BEST3: variants seen among roughly 807,000 people sequenced by gnomAD.
BEST3 encodes the protein bestrophin-3.
BEST3 carries 50 observed loss-of-function variants against 47.1 expected under a neutral mutation model. The observed-to-expected ratio is 1.06, with a 90% confidence interval of 0.85 to 1.34. The LOEUF is 1.34. Ranked by LOEUF, BEST3 falls within the 40% of genes most tolerant of loss-of-function variation. The probability of loss-of-function intolerance (pLI) is 0.00; values close to 1 mark genes in which losing one functional copy is unlikely to be tolerated. For synonymous variants in BEST3, 282 were observed against 298.8 expected (o/e 0.94, Z 0.58); for missense variants, 765 against 817.0 (o/e 0.94, Z 0.78).
At chr12:69,650,895 C>G (rs1259365632), downstream of BEST3, among the ~76,000 whole-genome samples, 1 of 151,992 alleles carries the variant, frequency 6.6e-6, no homozygotes, top group Non-Finnish European at 1.5e-5. Context: ...AAAAAAAAAC[C>G]AAGAGAGAAA....
Position 69,654,098 on chromosome 12 carries a change from C to A in BEST3, c.*809G>T. On this transcript the variant is annotated 3_prime_UTR_variant, in exon 10 of 10. Transcript: ENST00000330891. The stretch of plus-strand genomic sequence containing the variant: ...GAAGTGAGACTGGAAGGGTATCAGG[C>A]TGGATTTGTTGACACCTTTGATGAT... 5 of 985,400 alleles carry A rather than the reference C, an allele frequency of 5.1e-6. No homozygotes were observed. The highest frequency in any genetic ancestry group is 6.0e-6 in the Non-Finnish European group (5 of 829,934). 61.0% of individuals were successfully genotyped at this position (985,400 alleles called of 1,614,324 possible).
At chr12:69,699,001 A>G (rs1886228418) in intron 1 of BEST3, among the ~76,000 whole-genome samples, 1 of 152,212 alleles carries the variant, frequency 6.6e-6, no homozygotes. Flanking sequence ...AATACAGCCA[A>G]AATTGGGAGA....
downstream of BEST3, among the ~76,000 whole-genome samples, chr12:69,650,405 AG>A (rs1883172281): frequency 6.6e-6 from 1 of 152,250 alleles, no homozygotes; most frequent in African/African-American, 2.4e-5. Context: ...AGCATGCAAA[AG>A]TATTGAGGAC....
At position 69,655,788 on chromosome 12, in the gene BEST3, C is replaced by T. The variant is rs1250328395; in HGVS notation, c.1126G>A (p.Glu376Lys). ...MGLSGSDFPD[E>K]EWLWDYEKHG... Reference sequence around the variant, plus strand: ...TTCTCATAATCCCACAGCCACTCCTCGTCAGGAAAGTCGGACCCAGACAGC... The same window carrying T: ...TTCTCATAATCCCACAGCCACTCCTTGTCAGGAAAGTCGGACCCAGACAGC... Residue 376 changes from glutamate (E) to lysine (K), a missense_variant, in exon 10 of 10, where the codon GAG (glutamate) becomes AAG (lysine). Transcript: ENST00000330891. 6 of 1,610,048 alleles carry T rather than the reference C, an allele frequency of 3.7e-6. No individual in the cohort carries two copies. Among genetic ancestry groups the T allele is most frequent in the African/African-American group, 1.3e-5 (1 of 74,952 alleles).
rs199594674 is a variant in BEST3 at position 69,677,031 on chromosome 12, C to T, written c.752G>A (p.Cys251Tyr). 27 of 1,614,044 alleles carry T rather than the reference C, an allele frequency of 1.7e-5. No individual in the cohort carries two copies. The highest frequency in any genetic ancestry group is 2.2e-5 in the Non-Finnish European group (26 of 1,180,038). Residue 251 changes from cysteine (C) to tyrosine (Y), a missense_variant, in exon 7 of 10, where the codon TGC (cysteine) becomes TAC (tyrosine). By Grantham distance (194) the Cys-to-Tyr change is radical. Coordinates refer to ENST00000330891, the MANE Select transcript of BEST3 (RefSeq NM_032735.3). ...TLAVYTFFFA[C>Y]LIGRQFLDPT... is the part of the protein sequence containing the mutation. ...ATCCAAAAACTGGCGTCCAATCAGG[C>T]ACGCAAAGAAGAAGGTATAGACAGC...
chr12:69,663,538 G>A (rs535757678), intron 9 of BEST3, among the ~76,000 whole-genome samples: 2 of 152,264 alleles, frequency 1.3e-5, no homozygotes, highest in African/African-American at 4.8e-5. Context: ...TAATTAAAAC[G>A]CAGATCAAGG....
Position 69,697,794 on chromosome 12 carries a change from G to A in BEST3, c.5C>T (p.Thr2Ile), listed in dbSNP as rs754447452. 6.2e-7 allele frequency: 1 copy of A among 1,603,098 alleles called. No individual in the cohort carries two copies. Among genetic ancestry groups the A allele is most frequent in the South Asian group, 1.1e-5 (1 of 88,410 alleles). The change falls in exon 2 of 10, where the codon ACT becomes ATT. Residue 2 changes from threonine (T) to isoleucine (I), a missense_variant. Physicochemically the swap from Thr to Ile is moderately conservative, Grantham distance 89 (BLOSUM62 -1). Transcript: ENST00000330891. ...TGCTACTTTACTGGAGTAAGTGACA[G>A]TCATCTTGGATAGTTTTTTCTAGAA... is the stretch of plus-strand genomic sequence containing the variant. The part of the protein sequence containing the change: M[T>I]VTYSSKVANA...
At chr12:69,656,728 C>T (rs552426350) in intron 9 of BEST3, among the ~76,000 whole-genome samples, 7 of 152,174 alleles carry the variant, frequency 4.6e-5, no homozygotes, top group East Asian at 1.9e-4. Context: ...ACTAAATGTA[C>T]GTAGCTAGTT....
chr12:69,675,011 C>T (rs1437655485), intron 7 of BEST3, among the ~76,000 whole-genome samples: 1 of 151,826 alleles, frequency 6.6e-6, no homozygotes, highest in Non-Finnish European at 1.5e-5. Flanking sequence ...GATTCTCCTG[C>T]CTCAGCCTCC....
chr12:69,682,081 C>A (rs374077587), intron 4 of BEST3, among the ~76,000 whole-genome samples: 616 of 102,208 alleles, frequency 6.0e-3, no homozygotes, highest in African/African-American at 6.5e-3. Context: ...GACTCCGTCT[C>A]AAAAAAAAAA....
chr12:69,679,958 C>T (rs989745259), intron 4 of BEST3, among the ~76,000 whole-genome samples: 5 of 151,420 alleles, frequency 3.3e-5, no homozygotes, highest in Admixed American at 1.3e-4. Flanking sequence ...TTTGCTTGGG[C>T]TTGCAGTGAA....
At chr12:69,686,106 C>A (rs1270495215) in intron 4 of BEST3, among the ~76,000 whole-genome samples, 1 of 151,646 alleles carries the variant, frequency 6.6e-6, no homozygotes, top group Non-Finnish European at 1.5e-5. Context: ...ATACCACTAT[C>A]CCCTTGGCTC....
rs113583351 is a variant in BEST3 at position 69,654,800 on chromosome 12, T to G, written c.*107A>C. The G allele has an allele frequency of 1.2e-5, 18 of 1,477,098 alleles. No homozygotes were observed. The highest frequency in any genetic ancestry group is 2.4e-5 in the East Asian group (1 of 42,504). 91.5% of individuals were successfully genotyped at this position (1,477,098 alleles called of 1,614,324 possible). The stretch of plus-strand genomic sequence containing the variant: ...CTAAGTAGCTTATACAGTGTGATCA[T>G]GTTTTTTAAAAAGTCGACCAGCCTT... On this transcript the variant is annotated 3_prime_UTR_variant, in exon 10 of 10. Transcript: ENST00000330891.
In BEST3 at chr12:69,672,913, G is replaced by T; in HGVS notation, c.920C>A (p.Thr307Asn). 6.2e-7 allele frequency: 1 copy of T among 1,613,426 alleles called. No individual in the cohort carries two copies. Among genetic ancestry groups the T allele is most frequent in the Non-Finnish European group, 8.5e-7 (1 of 1,179,738 alleles). ...PFGEDDDDFE[T>N]NWCIDRNLQV... ...CAAATTTCTGTCAATGCACCAGTTAGTTTCAAAATCATCATCATCTTCTCC... is the reference window on the plus strand; with the variant it reads ...CAAATTTCTGTCAATGCACCAGTTATTTTCAAAATCATCATCATCTTCTCC... The change falls in exon 8 of 10, where the codon ACT becomes AAT. Residue 307 changes from threonine (T) to asparagine (N), a missense_variant. By Grantham distance (65) the Thr-to-Asn change is moderately conservative (BLOSUM62 0). Transcript: ENST00000330891.
Position 69,680,310 on chromosome 12 carries a change from C to CTTCTTTTTTTTTTTTTTTTTTTT in BEST3, c.482-1418_482-1417insAAAAAAAAAAAAAAAAAAAAGAA, listed in dbSNP as rs763385722. Among the ~76,000 whole-genome samples the CTTCTTTTTTTTTTTTTTTTTTTT allele has an allele frequency of 2.8e-3, 268 of 94,934 alleles. 27 individuals are homozygous for CTTCTTTTTTTTTTTTTTTTTTTT. The highest frequency in any genetic ancestry group is 0.024 in the Middle Eastern group (4 of 170). The allele number at this position is 94,934 out of a possible 152,430, so 62.3% of individuals were successfully genotyped here. ...TTAAAACTTACAGTTTACACTTGAT[C>CTTCTTTTTTTTTTTTTTTTTTTT]TTTTTTTTTTTTTTTTTAGATGGAG... On this transcript the variant is annotated intron_variant, in intron 4 of 9. Transcript: ENST00000330891.
rs770187501 is a variant in BEST3, at chr12:69,655,229, G to T, written c.1685C>A (p.Pro562His). The T allele has an allele frequency of 1.2e-6, 2 of 1,614,100 alleles. No individual in the cohort carries two copies. Among genetic ancestry groups the T allele is most frequent in the Non-Finnish European group, 1.7e-6 (2 of 1,180,004 alleles). ...PSEKETPPGG[P>H]SPQTVSASAE... ...GCTGGCTGAAACTGTCTGGGGACTG[G>T]GGCCTCCAGGAGGTGTCTCCTTCTC... is the stretch of plus-strand genomic sequence containing the variant. Residue 562 changes from proline to histidine, a missense_variant, in exon 10 of 10, where the codon CCC becomes CAC. Pro to His is a moderately conservative substitution (Grantham distance 77). Coordinates refer to ENST00000330891, the MANE Select transcript of BEST3 (RefSeq NM_032735.3).
intron 9 of BEST3, among the ~76,000 whole-genome samples, chr12:69,647,227 T>G (rs1050994568): frequency 6.6e-6 from 1 of 152,242 alleles, no homozygotes; most frequent in African/African-American, 2.4e-5. Flanking sequence ...TGCCTTCTTC[T>G]GAGTGTTGAA....
At chr12:69,667,239 C>T (rs898981679) in intron 9 of BEST3, among the ~76,000 whole-genome samples, 2 of 152,120 alleles carry the variant, frequency 1.3e-5, no homozygotes, top group African/African-American at 4.8e-5. Flanking sequence ...TGAAATGAGC[C>T]CTCTGCTGAA....
At chr12:69,674,667 G>A (rs951890812) in intron 7 of BEST3, among the ~76,000 whole-genome samples, 4 of 152,110 alleles carry the variant, frequency 2.6e-5, no homozygotes, top group Non-Finnish European at 5.9e-5. Context: ...TATTATCGTA[G>A]TCTACATTAA....
Sources: allele counts gnomAD v4.1 joint callset (sites outside exome capture counted in the v4.1 genomes callset), GRCh38; gene constraint gnomAD v4.1.1; transcripts MANE v1.5; gene names NCBI Gene and HGNC (gene_info 2026-07-23, HGNC 2026-07-21).